The following PTPRN2 variants were observed in gnomAD, a reference collection of about 807,000 sequenced individuals.
PTPRN2 encodes receptor-type tyrosine-protein phosphatase N2.
In PTPRN2, 74 loss-of-function variants were observed where a neutral mutation model predicts 118.8. That is an observed-to-expected ratio of 0.62 (90% CI 0.52 to 0.76). The LOEUF (loss-of-function observed/expected upper bound fraction) is 0.76, where lower values mean the gene tolerates loss of function less well. PTPRN2 is among the 30% of genes least tolerant of loss of function. The pLI, the probability that PTPRN2 is intolerant of heterozygous loss-of-function variation, is 0.00. For synonymous variants in PTPRN2, 641 were observed against 608.0 expected (o/e 1.05, Z -0.80); for missense variants, 1,481 against 1,394.4 (o/e 1.06, Z -0.99).
rs1207040908 is a variant in PTPRN2 at position 157,831,188 on chromosome 7, G to C, written c.1788+67485C>G. Among the ~76,000 whole-genome samples the C allele has an allele frequency of 6.6e-6, 1 of 152,222 alleles. No homozygotes were observed. The highest frequency in any genetic ancestry group is 1.5e-5 in the Non-Finnish European group (1 of 68,038). On this transcript the variant is annotated intron_variant, in intron 12 of 22. Coordinates refer to ENST00000389418, the MANE Select transcript of PTPRN2 (RefSeq NM_002847.5). This position sits in a 1 kb window ranked among gnomAD's most constrained non-coding sequence, Gnocchi z 4.8. The stretch of plus-strand genomic sequence containing the variant: ...TCCTTGCTGTGAGCCCAGCTGTGGG[G>C]AGGAACTGCTCGGGCCCTGCAGCAT...
intron 1 of PTPRN2, among the ~76,000 whole-genome samples, chr7:158,586,806 G>A (rs1367371814): frequency 6.6e-6 from 1 of 152,198 alleles, no homozygotes; most frequent in Non-Finnish European, 1.5e-5. Flanking sequence ...GACATCCGAG[G>A]CCCGGCCCCT....
At chr7:157,796,846 G>T (rs991406750) in intron 12 of PTPRN2, among the ~76,000 whole-genome samples, 3 of 152,146 alleles carry the variant, frequency 2.0e-5, no homozygotes, top group Non-Finnish European at 4.4e-5. Context: ...GCAAGGAGAG[G>T]GTGGTGCAAA....
Position 157,646,755 on chromosome 7 carries a change from C to G in PTPRN2, c.2196+9602G>C, listed in dbSNP as rs1188678699. 4.6e-5 allele frequency among the ~76,000 whole-genome samples: 7 copies of G among 152,332 alleles called. 1 individual carries two copies. The East Asian group carries it at 1.4e-3, about 29-fold the overall frequency. On this transcript the variant is annotated intron_variant, in intron 14 of 22. Transcript: ENST00000389418. The stretch of plus-strand genomic sequence containing the variant: ...GACACGGGAGGCTCTAGAACGTCCC[C>G]TCAAGCAAGTTAGGGTGTGAGGACG...
chr7:158,421,880 G>C (rs147388837), intron 2 of PTPRN2, among the ~76,000 whole-genome samples: 1 of 152,112 alleles, frequency 6.6e-6, no homozygotes, highest in Non-Finnish European at 1.5e-5. Context: ...TTAGCCCTAA[G>C]GTTTGGGGTT....
rs374648995 is a variant in PTPRN2 at position 157,904,342 on chromosome 7, G to A, written c.1724-5605C>T. ...GGAGGAGTCAGGGGCTCCGCAGGCC[G>A]CTTCTCAGAGCCCATATGCTCCCGG... On this transcript the variant is annotated intron_variant, in intron 11 of 22. Transcript: ENST00000389418. Among the ~76,000 whole-genome samples the A allele has an allele frequency of 8.5e-5, 13 of 152,252 alleles. No individual in the cohort carries two copies. The East Asian group carries it at 9.7e-4, about 11-fold the overall frequency.
At chr7:157,741,821 G>A (rs756230830) in intron 12 of PTPRN2, among the ~76,000 whole-genome samples, 17 of 152,258 alleles carry the variant, frequency 1.1e-4, no homozygotes, top group Non-Finnish European at 2.2e-4. Context: ...TCATGTCCCC[G>A]GCATTTTTAA....
At chr7:158,481,349 C>T (rs1820626640) in intron 2 of PTPRN2, among the ~76,000 whole-genome samples, 1 of 152,240 alleles carries the variant, frequency 6.6e-6, no homozygotes, top group Non-Finnish European at 1.5e-5. Context: ...CAGCAGTGCA[C>T]CAGTCACCCA....
At chr7:158,581,858 G>A (rs1038773232) in intron 1 of PTPRN2, among the ~76,000 whole-genome samples, 2 of 152,200 alleles carry the variant, frequency 1.3e-5, no homozygotes, top group Non-Finnish European at 2.9e-5. Context: ...GTAGTCCGAG[G>A]TCCAGTTTTC....
intron 4 of PTPRN2, among the ~76,000 whole-genome samples, chr7:158,196,011 T>C (rs530228265): frequency 2.6e-5 from 4 of 152,346 alleles, no homozygotes; most frequent in South Asian, 2.1e-4. Flanking sequence ...CAATTATCTA[T>C]GACAAATTAC....
At chr7:157,897,634 GC>G (rs1454730488) in intron 12 of PTPRN2, among the ~76,000 whole-genome samples, 1 of 152,220 alleles carries the variant, frequency 6.6e-6, no homozygotes, top group Non-Finnish European at 1.5e-5. Flanking sequence ...CATTTTCAAA[GC>G]CCTTCAGGCT....
At chr7:157,997,459 T>G (rs1041553467) in intron 11 of PTPRN2, among the ~76,000 whole-genome samples, 1 of 152,176 alleles carries the variant, frequency 6.6e-6, no homozygotes, top group African/African-American at 2.4e-5. Context: ...CCCAGGTTCC[T>G]CCCACACAGC....
chr7:158,188,244 C>A lies in PTPRN2; in HGVS notation c.549+4083G>T, dbSNP rs868831938. Among the ~76,000 whole-genome samples, 4 of 18,340 alleles carry A rather than the reference C, an allele frequency of 2.2e-4. No homozygotes were observed. In the South Asian group the frequency reaches 8.3e-3, roughly 38 times the overall value. The allele number at this position is 18,340 out of a possible 152,430, so 12.0% of individuals were successfully genotyped here. A position where few individuals can be genotyped will look rare whatever the true frequency, so the allele number is the denominator to read the frequency against. ...GGGGAAGGCCGCCACGCTTGCCCCG[C>A]GATGGGGAAGGCCGCCACGCTCGCC... On this transcript the variant is annotated intron_variant, in intron 5 of 22. Coordinates refer to ENST00000389418, the MANE Select transcript of PTPRN2 (RefSeq NM_002847.5).
At chr7:158,049,036 ACC>A (rs370186386) in intron 11 of PTPRN2, among the ~76,000 whole-genome samples, 13 of 14 alleles carry the variant, frequency 0.93, 6 homozygotes, top group Non-Finnish European at 1. Context: ...TATCACCAAC[ACC>A]ATCATCACCC....
rs549265396 is a variant in PTPRN2, at chr7:157,974,112, G to A, written c.1724-75375C>T. Reference sequence around the variant, plus strand: ...AGCTGCCTGACTTGCACTGCTGGACGGTGGGTTGGCGGTGTTGACGCTGCA... The same window carrying A: ...AGCTGCCTGACTTGCACTGCTGGACAGTGGGTTGGCGGTGTTGACGCTGCA... On this transcript the variant is annotated intron_variant, in intron 11 of 22. Coordinates refer to ENST00000389418, the MANE Select transcript of PTPRN2 (RefSeq NM_002847.5). The surrounding 1 kb of genome is among the most constrained non-coding windows in gnomAD (Gnocchi z 4.0). 1.4e-3 allele frequency among the ~76,000 whole-genome samples: 212 copies of A among 152,316 alleles called. No homozygotes were observed. The highest frequency in any genetic ancestry group is 1.7e-3 in the Non-Finnish European group (119 of 68,024).
intron 15 of PTPRN2, among the ~76,000 whole-genome samples, chr7:157,604,978 C>T (rs943107873): frequency 9.2e-5 from 14 of 152,374 alleles, no homozygotes; most frequent in African/African-American, 2.4e-4. Context: ...GGTGTGTGGC[C>T]GCTTCCTTCT....
chr7:158,317,398 G>C (rs1279294031), intron 2 of PTPRN2, among the ~76,000 whole-genome samples: 2 of 152,254 alleles, frequency 1.3e-5, no homozygotes, highest in Non-Finnish European at 2.9e-5. Context: ...GGCTGCGTGG[G>C]AGGCAAGCAC....
chr7:157,932,747 G>A (rs2128781316), intron 11 of PTPRN2, among the ~76,000 whole-genome samples: 1 of 151,324 alleles, frequency 6.6e-6, no homozygotes, highest in African/African-American at 2.4e-5. Flanking sequence ...CAGTTTTAGA[G>A]GAGGGGTGAG....
At chr7:157,781,047 T>C (rs1237640543) in intron 12 of PTPRN2, among the ~76,000 whole-genome samples, 1 of 152,122 alleles carries the variant, frequency 6.6e-6, no homozygotes, top group Non-Finnish European at 1.5e-5. Flanking sequence ...GTCACCCACA[T>C]GCGGCTCCTT....
At chr7:158,220,018 A>C (rs1828236992) in intron 3 of PTPRN2, among the ~76,000 whole-genome samples, 1 of 152,100 alleles carries the variant, frequency 6.6e-6, no homozygotes, top group Non-Finnish European at 1.5e-5. Flanking sequence ...TCCTCCCTAA[A>C]TCATTCTATG....
Sources: allele counts gnomAD v4.1 joint callset (sites outside exome capture counted in the v4.1 genomes callset), GRCh38; gene constraint gnomAD v4.1.1; non-coding constraint Gnocchi (gnomAD v3.1); transcripts MANE v1.5; gene names NCBI Gene and HGNC (gene_info 2026-07-23, HGNC 2026-07-21).